Variants in PHLPP1 observed in about 807,000 individuals in gnomAD.
PHLPP1 encodes the protein PH domain and leucine rich repeat protein phosphatase 1.
PHLPP1 carries 42 observed loss-of-function variants against 117.2 expected under a neutral mutation model. The ratio of observed to expected loss-of-function variants is 0.36; its 90% confidence interval spans 0.28 to 0.46. The LOEUF is 0.46. PHLPP1 is among the 20% of genes least tolerant of loss of function. The probability of loss-of-function intolerance (pLI) is 1.00; values close to 1 mark genes in which losing one functional copy is unlikely to be tolerated. For synonymous variants in PHLPP1, 1,042 were observed against 970.7 expected, an observed-to-expected ratio of 1.07 and a Z score of -1.37; for missense variants, 2,084 against 2,241.9, an observed-to-expected ratio of 0.93 and a Z score of 1.42.
At chr18:62,808,144 G>A (rs1012517841) in intron 1 of PHLPP1, among the ~76,000 whole-genome samples, 29 of 152,232 alleles carry the variant, frequency 1.9e-4, no homozygotes, top group South Asian at 4.2e-4. Flanking sequence ...GAGAAGTTGA[G>A]GAAGAGGCTT....
At chr18:62,817,232 C>T (rs71352598) in intron 1 of PHLPP1, among the ~76,000 whole-genome samples, 8,661 of 152,254 alleles carry the variant, frequency 0.057, 340 homozygotes, top group Middle Eastern at 0.088. Context: ...GTGTGAGCCA[C>T]CATGCCTGGC....
At chr18:62,748,564 A>G (rs1911749212) in intron 1 of PHLPP1, among the ~76,000 whole-genome samples, 1 of 152,080 alleles carries the variant, frequency 6.6e-6, no homozygotes, top group Non-Finnish European at 1.5e-5. Context: ...GAATAGTTAT[A>G]TTCTTCTTGT....
chr18:62,897,199 G>C (rs1051390285), intron 6 of PHLPP1, among the ~76,000 whole-genome samples: 2 of 152,122 alleles, frequency 1.3e-5, no homozygotes, highest in African/African-American at 4.8e-5. Flanking sequence ...GAGTTACCTG[G>C]TACATGTAGG....
intron 15 of PHLPP1, among the ~76,000 whole-genome samples, chr18:62,973,023 C>T (rs186839243): frequency 6.6e-6 from 1 of 152,292 alleles, no homozygotes; most frequent in Admixed American, 6.5e-5. Context: ...TTTCTCCTCC[C>T]AAATCATGTG....
At chr18:62,738,753 T>C (rs1911439580) in intron 1 of PHLPP1, among the ~76,000 whole-genome samples, 1 of 152,222 alleles carries the variant, frequency 6.6e-6, no homozygotes, top group African/African-American at 2.4e-5. Flanking sequence ...ATAAAAGTTA[T>C]GTGAATATGG....
chr18:62,848,036 G>C (rs1915224673), intron 3 of PHLPP1, among the ~76,000 whole-genome samples: 1 of 152,154 alleles, frequency 6.6e-6, no homozygotes, highest in Non-Finnish European at 1.5e-5. Flanking sequence ...AGTATCCCTG[G>C]CAATTCCAAC....
chr18:62,760,664 C>T (rs1912193677), intron 1 of PHLPP1, among the ~76,000 whole-genome samples: 1 of 152,160 alleles, frequency 6.6e-6, no homozygotes, highest in South Asian at 2.1e-4. Context: ...AGTTTTCTTC[C>T]TCCACGTCCA....
At chr18:62,906,586 C>T (rs1293961161) in intron 8 of PHLPP1, among the ~76,000 whole-genome samples, 1 of 87,166 alleles carries the variant, frequency 1.1e-5, no homozygotes, top group Non-Finnish European at 2.3e-5. Context: ...CCGAATATTG[C>T]GCTTTTCAGA....
At chr18:62,725,804 T>C (rs1409843464) in intron 1 of PHLPP1, among the ~76,000 whole-genome samples, 3 of 152,230 alleles carry the variant, frequency 2.0e-5, no homozygotes, top group African/African-American at 7.2e-5. Flanking sequence ...TTAGCTTCCT[T>C]TCTATGAGAG....
intron 15 of PHLPP1, among the ~76,000 whole-genome samples, chr18:62,973,356 T>A (rs932585044): frequency 1.2e-4 from 18 of 152,226 alleles, no homozygotes; most frequent in Non-Finnish European, 2.5e-4. Context: ...GATTCCTTCA[T>A]TCAGAGAATT....
rs1910698068 is a variant in PHLPP1 at position 62,715,742 on chromosome 18, G to A, written c.59G>A (p.Arg20Gln). ...CTCCCCGAGCTCGGCAGGGAGGACC[G>A]AGCTTCGGCTCCGGCGGCCGCCGCT... ...QRLPELGREDRASAPAAAAAA... is the reference protein window; with the variant it reads ...QRLPELGREDQASAPAAAAAA... The change falls in exon 1 of 17, where the codon CGA becomes CAA. Residue 20 changes from arginine to glutamine, a missense_variant. Coordinates refer to ENST00000262719, the MANE Select transcript of PHLPP1 (RefSeq NM_194449.4). 1 of 1,218,416 alleles carries A rather than the reference G, an allele frequency of 8.2e-7. No individual in the cohort carries two copies. The highest frequency in any genetic ancestry group is 1.0e-6 in the Non-Finnish European group (1 of 976,898). 75.5% of individuals were successfully genotyped at this position (1,218,416 alleles called of 1,614,324 possible). A position where few individuals can be genotyped will look rare whatever the true frequency, so the allele number is the denominator to read the frequency against.
intron 1 of PHLPP1, among the ~76,000 whole-genome samples, chr18:62,754,414 T>TC (rs936672189): frequency 6.6e-6 from 1 of 152,196 alleles, no homozygotes; most frequent in African/African-American, 2.4e-5. Flanking sequence ...ATACTTTTTT[T>TC]CCCCTCCCAA....
At chr18:62,720,215 T>C (rs1267936551) in intron 1 of PHLPP1, among the ~76,000 whole-genome samples, 2 of 152,204 alleles carry the variant, frequency 1.3e-5, no homozygotes, top group Non-Finnish European at 1.5e-5. Flanking sequence ...ACATAAGTTA[T>C]GGACTCCTAA....
chr18:62,877,076 G>A (rs1344544556), intron 4 of PHLPP1, among the ~76,000 whole-genome samples: 2 of 152,130 alleles, frequency 1.3e-5, no homozygotes, highest in Non-Finnish European at 2.9e-5. Context: ...CATTTATCAA[G>A]TACCTCTCTT....
chr18:62,725,167 T>C (rs1369107188), intron 1 of PHLPP1, among the ~76,000 whole-genome samples: 1 of 152,116 alleles, frequency 6.6e-6, no homozygotes, highest in Non-Finnish European at 1.5e-5. Context: ...GAGACCAGCC[T>C]GGCTAACATG....
chr18:62,790,897 A>T (rs1195397192), intron 1 of PHLPP1, among the ~76,000 whole-genome samples: 3 of 152,130 alleles, frequency 2.0e-5, no homozygotes, highest in African/African-American at 7.2e-5. Flanking sequence ...GGGAGGGAGT[A>T]TTTAAAAGTG....
intron 3 of PHLPP1, among the ~76,000 whole-genome samples, chr18:62,847,924 C>T (rs769026581): frequency 1.2e-4 from 18 of 152,180 alleles, no homozygotes; most frequent in East Asian, 3.8e-4. Context: ...CAAGAAAATT[C>T]GACTCCCTTT....
chr18:62,810,055 A>G (rs1368537278), intron 1 of PHLPP1, among the ~76,000 whole-genome samples: 1 of 152,234 alleles, frequency 6.6e-6, no homozygotes, highest in Non-Finnish European at 1.5e-5. Context: ...GAGCTTCTCT[A>G]GTTAAATAAA....
chr18:62,899,278 A>T (rs1415927315), intron 6 of PHLPP1, among the ~76,000 whole-genome samples: 7 of 152,188 alleles, frequency 4.6e-5, no homozygotes, highest in Admixed American at 4.6e-4. Flanking sequence ...GTGAGTCCTT[A>T]GTAGGTCCAG....
Sources: gnomAD v4.1 joint callset for allele counts (sites outside exome capture counted in the v4.1 genomes callset) on GRCh38, gnomAD v4.1.1 for gene constraint, MANE v1.5 for transcripts, NCBI Gene and HGNC (gene_info 2026-07-23, HGNC 2026-07-21) for gene names.